FOXP1: variants seen among roughly 807,000 people sequenced by gnomAD.
FOXP1 encodes forkhead box P1, also known as forkhead box protein P1.
Under a neutral mutation model 98.2 loss-of-function variants are expected in FOXP1, and 15 were observed. The observed-to-expected ratio is 0.15, with a 90% CI of 0.10 to 0.24. The LOEUF (loss-of-function observed/expected upper bound fraction) is 0.24. FOXP1 is among the 10% of genes least tolerant of loss of function. The pLI, the probability that FOXP1 is intolerant of heterozygous loss-of-function variation, is 1.00. For missense variants in FOXP1, 633 were observed against 848.5 expected (o/e 0.75, Z 3.15); for synonymous variants, 371 against 314.5 (o/e 1.18, Z -1.90).
intron 2 of FOXP1, among the ~76,000 whole-genome samples, chr3:71,525,009 A>G (rs2043266735): frequency 6.6e-6 from 1 of 152,246 alleles, no homozygotes; most frequent in Admixed American, 6.5e-5. Context: ...ACAGCGATTA[A>G]GAATTAAAGC....
intron 11 of FOXP1, among the ~76,000 whole-genome samples, chr3:71,017,084 G>C (rs2044610587): frequency 6.6e-6 from 1 of 151,982 alleles, no homozygotes; most frequent in African/African-American, 2.4e-5. Context: ...CCTCATACAA[G>C]AAAGGAATAA....
chr3:71,214,180 G>A (rs1465578864), intron 5 of FOXP1, among the ~76,000 whole-genome samples: 3 of 152,192 alleles, frequency 2.0e-5, no homozygotes, highest in Non-Finnish European at 4.4e-5. Context: ...GATATGCTCC[G>A]CCCATCCATC....
At chr3:71,176,927 G>A (rs1344663274) in intron 6 of FOXP1, among the ~76,000 whole-genome samples, 3 of 151,988 alleles carry the variant, frequency 2.0e-5, no homozygotes, top group Non-Finnish European at 2.9e-5. Flanking sequence ...GCCGGGTGTG[G>A]TGGTGGGCGC....
At chr3:71,267,989 G>C (rs1326009319) in intron 5 of FOXP1, among the ~76,000 whole-genome samples, 1 of 138,344 alleles carries the variant, frequency 7.2e-6, no homozygotes, top group Non-Finnish European at 1.5e-5. Flanking sequence ...CTGTACCCTA[G>C]CCTGGGCGAC....
chr3:71,292,209 A>AG (rs1329302192), intron 5 of FOXP1, among the ~76,000 whole-genome samples: 1 of 152,242 alleles, frequency 6.6e-6, no homozygotes, highest in Non-Finnish European at 1.5e-5. Flanking sequence ...ACCAACCTCC[A>AG]GAAAAAAAAG....
At chr3:71,574,818 C>G (rs2047604012) in intron 2 of FOXP1, among the ~76,000 whole-genome samples, 1 of 152,138 alleles carries the variant, frequency 6.6e-6, no homozygotes, top group Non-Finnish European at 1.5e-5. Flanking sequence ...TGAAAACCAC[C>G]GATGTTCCAG....
chr3:71,436,292 C>G (rs564963852), intron 3 of FOXP1, among the ~76,000 whole-genome samples: 9 of 152,060 alleles, frequency 5.9e-5, no homozygotes, highest in Non-Finnish European at 1.0e-4. Context: ...CACATTACTA[C>G]GCTAAAACCT....
chr3:71,047,006 C>T lies in FOXP1; in HGVS notation c.600G>A (p.Gln200=). The T allele has an allele frequency of 6.2e-7, 1 of 1,614,068 alleles. No homozygotes were observed. The highest frequency in any genetic ancestry group is 1.1e-5 in the South Asian group (1 of 91,084). ...GCTGAATTGTCAGAAGGCCTTGGCG[C>T]TGCAAAGACAGGAGGTGCTGCTGCT... ...QLQQQHLLSL[Q]RQGLLTIQPG... The change falls in exon 10 of 21, where the codon CAG becomes CAA. Residue 200 remains glutamine (Q), a synonymous_variant. Coordinates refer to ENST00000649528, the MANE Select transcript of FOXP1 (RefSeq NM_001349338.3).
At chr3:71,583,830 G>T, upstream of FOXP1, 1 of 988,080 alleles carries the variant, frequency 1.0e-6, no homozygotes, top group Non-Finnish European at 1.2e-6. Flanking sequence ...GGCGGCAGAG[G>T]CGCGGGCAGC....
intron 5 of FOXP1, among the ~76,000 whole-genome samples, chr3:71,296,734 G>C (rs1235665754): frequency 6.6e-6 from 1 of 152,224 alleles, no homozygotes; most frequent in Non-Finnish European, 1.5e-5. Context: ...CAATGTCAGA[G>C]GAGGGGCCAA....
chr3:71,269,336 T>G (rs531277194), intron 5 of FOXP1, among the ~76,000 whole-genome samples: 1 of 151,886 alleles, frequency 6.6e-6, no homozygotes, highest in East Asian at 1.9e-4. Context: ...ATAAGATAGC[T>G]AGGCAGAAAA....
intron 10 of FOXP1, among the ~76,000 whole-genome samples, chr3:71,042,892 A>G (rs2048536325): frequency 6.6e-6 from 1 of 152,222 alleles, no homozygotes; most frequent in Admixed American, 6.5e-5. Context: ...AAACTGTTAA[A>G]GATTTTAATT....
chr3:71,202,255 T>G (rs1215094359), intron 5 of FOXP1, among the ~76,000 whole-genome samples: 1 of 152,168 alleles, frequency 6.6e-6, no homozygotes, highest in Non-Finnish European at 1.5e-5. Flanking sequence ...GCAGAAAGGA[T>G]TATTTTGGTC....
chr3:71,126,425 C>T (rs916572383), intron 6 of FOXP1, among the ~76,000 whole-genome samples: 2 of 151,984 alleles, frequency 1.3e-5, no homozygotes, highest in Non-Finnish European at 2.9e-5. Flanking sequence ...GAAGGCAGAG[C>T]TTGCAGTGAG....
intron 4 of FOXP1, among the ~76,000 whole-genome samples, chr3:71,317,965 A>C (rs2075175089): frequency 6.6e-6 from 1 of 151,618 alleles, no homozygotes; most frequent in Admixed American, 6.6e-5. Context: ...TTAAAATGAC[A>C]TTTTAAGGAA....
At chr3:71,298,140 C>A (rs903092450) in intron 5 of FOXP1, among the ~76,000 whole-genome samples, 22 of 152,004 alleles carry the variant, frequency 1.4e-4, no homozygotes, top group Non-Finnish European at 2.6e-4. Context: ...GTTTGCAGAC[C>A]CTTGATATAG....
At chr3:71,575,348 A>C (rs2047644107) in intron 2 of FOXP1, among the ~76,000 whole-genome samples, 1 of 152,222 alleles carries the variant, frequency 6.6e-6, no homozygotes, top group Non-Finnish European at 1.5e-5. Context: ...GGTCTCTAGC[A>C]TGCATCAGAA....
chr3:71,447,894 G>A (rs1322157167), intron 3 of FOXP1, among the ~76,000 whole-genome samples: 1 of 152,184 alleles, frequency 6.6e-6, no homozygotes, highest in Admixed American at 6.5e-5. Flanking sequence ...AACTATGCAA[G>A]TATAGAATCA....
chr3:71,132,434 T>C (rs1179285013), intron 6 of FOXP1, among the ~76,000 whole-genome samples: 2 of 151,924 alleles, frequency 1.3e-5, no homozygotes, highest in Non-Finnish European at 2.9e-5. Flanking sequence ...AGACATGCAA[T>C]TAAAAAAAAT....
Sources: gnomAD v4.1 joint callset for allele counts (sites outside exome capture counted in the v4.1 genomes callset) on GRCh38, gnomAD v4.1.1 for gene constraint, MANE v1.5 for transcripts, NCBI Gene and HGNC (gene_info 2026-07-23, HGNC 2026-07-21) for gene names.